Variants in NRG3 observed in about 807,000 individuals in gnomAD.
The protein encoded by NRG3 is neuregulin 3.
A neutral mutation model predicts 66.9 loss-of-function variants in NRG3; 31 were observed. The observed-to-expected ratio is 0.46, with a 90% CI of 0.35 to 0.63. NRG3 has a LOEUF of 0.63. Among genes scored for constraint, NRG3 ranks in the 20% least tolerant of loss-of-function variants. The pLI, the probability that NRG3 is intolerant of heterozygous loss-of-function variation, is 0.00. For missense variants in NRG3, 910 were observed against 878.9 expected, an observed-to-expected ratio of 1.04 and a Z score of -0.45; for synonymous variants, 393 against 359.4, an observed-to-expected ratio of 1.09 and a Z score of -1.06.
At position 81,889,621 on chromosome 10, in the gene NRG3, G is replaced by A. The variant is rs950432091; in HGVS notation, c.823+13458G>A. 4 of 152,140 alleles carry A rather than the reference G, an allele frequency of 2.6e-5. No individual in the cohort carries two copies. In the South Asian group the frequency reaches 8.3e-4, roughly 31 times the overall value. 9.4% of individuals were successfully genotyped at this position (152,140 alleles called of 1,614,324 possible). A position where few individuals can be genotyped will look rare whatever the true frequency, so the allele number is the denominator to read the frequency against. ...CTGTGTAAGAGCAAATGTTAAATTAGTATTAATAGCCAATGGCATCTCTCT... is the reference window on the plus strand; with the variant it reads ...CTGTGTAAGAGCAAATGTTAAATTAATATTAATAGCCAATGGCATCTCTCT... On this transcript the variant is annotated intron_variant, in intron 1 of 8. Transcript: ENST00000372141.
intron 2 of NRG3, among the ~76,000 whole-genome samples, chr10:82,738,180 T>C (rs1320071043): frequency 6.6e-6 from 1 of 152,122 alleles, no homozygotes; most frequent in Non-Finnish European, 1.5e-5. Flanking sequence ...TATTTCAAAA[T>C]ATCTTTTATA....
At chr10:82,291,703 C>T (rs1041689154) in intron 1 of NRG3, among the ~76,000 whole-genome samples, 1 of 152,132 alleles carries the variant, frequency 6.6e-6, no homozygotes, top group Non-Finnish European at 1.5e-5. Context: ...CAATTCAATG[C>T]ATGCAGGATA....
chr10:82,645,151 C>T (rs1384413206), intron 2 of NRG3, among the ~76,000 whole-genome samples: 2 of 152,044 alleles, frequency 1.3e-5, no homozygotes, highest in East Asian at 3.9e-4. Flanking sequence ...TGATAGAAAA[C>T]TGTTAAGCTG....
intron 1 of NRG3, among the ~76,000 whole-genome samples, chr10:82,347,317 G>A (rs370779965): frequency 1.5e-4 from 23 of 151,218 alleles, no homozygotes; most frequent in Admixed American, 1.3e-3. Flanking sequence ...CCTTCATTTC[G>A]TTATGTACCC....
Position 82,613,419 on chromosome 10 carries a change from T to A in NRG3, c.954-125158T>A, listed in dbSNP as rs188316614. ...TCACTGTTTTATTCTCTTATTATTT[T>A]AAAAAAAATAATTAATTAATTAATT... On this transcript the variant is annotated intron_variant, in intron 2 of 8. Transcript: ENST00000372141. Among the ~76,000 whole-genome samples, 589 of 151,226 alleles carry A rather than the reference T, an allele frequency of 3.9e-3. 4 individuals carry two copies. Among genetic ancestry groups the A allele is most frequent in the Middle Eastern group, 0.01 (3 of 288 alleles).
At chr10:82,132,150 A>G (rs1445237770) in intron 1 of NRG3, among the ~76,000 whole-genome samples, 1 of 152,022 alleles carries the variant, frequency 6.6e-6, no homozygotes, top group African/African-American at 2.4e-5. Flanking sequence ...TTCCCTGTTT[A>G]GTATGATACT....
At chr10:82,041,255 G>A (rs1321650370) in intron 1 of NRG3, among the ~76,000 whole-genome samples, 2 of 151,994 alleles carry the variant, frequency 1.3e-5, no homozygotes, top group African/African-American at 4.8e-5. Flanking sequence ...TGCCACAAGA[G>A]GGATACTGAG....
intron 2 of NRG3, among the ~76,000 whole-genome samples, chr10:82,419,021 G>A (rs2088854059): frequency 6.6e-6 from 1 of 152,130 alleles, no homozygotes. Context: ...TTGTAACTGG[G>A]ATGGATATGA....
chr10:82,389,366 C>T (rs1005857981), intron 2 of NRG3, among the ~76,000 whole-genome samples: 2 of 152,144 alleles, frequency 1.3e-5, no homozygotes, highest in Admixed American at 1.3e-4. Context: ...CCTTTCTCAG[C>T]CTTTCACTAC....
chr10:82,377,556 G>C (rs1317704868), intron 2 of NRG3, among the ~76,000 whole-genome samples: 1 of 152,090 alleles, frequency 6.6e-6, no homozygotes, highest in South Asian at 2.1e-4. Flanking sequence ...ACTCTAAACC[G>C]TGTCCTTCCA....
intron 2 of NRG3, among the ~76,000 whole-genome samples, chr10:82,450,820 G>A (rs2090987954): frequency 6.6e-6 from 1 of 152,134 alleles, no homozygotes; most frequent in Non-Finnish European, 1.5e-5. Context: ...GTAATGGACA[G>A]CCTAATAAAA....
At chr10:82,491,596 G>GTATGAA (rs1843152753) in intron 2 of NRG3, among the ~76,000 whole-genome samples, 1 of 151,682 alleles carries the variant, frequency 6.6e-6, no homozygotes, top group Admixed American at 6.6e-5. Flanking sequence ...AGTATCTGAG[G>GTATGAA]GTACATTTTT....
intron 1 of NRG3, among the ~76,000 whole-genome samples, chr10:82,269,866 G>T (rs909048132): frequency 6.6e-6 from 1 of 151,990 alleles, no homozygotes; most frequent in Non-Finnish European, 1.5e-5. Context: ...TGAAAGACAC[G>T]GATTTCCTGC....
At chr10:81,984,443 G>A (rs1406345222) in intron 1 of NRG3, among the ~76,000 whole-genome samples, 1 of 152,128 alleles carries the variant, frequency 6.6e-6, no homozygotes, top group Non-Finnish European at 1.5e-5. Flanking sequence ...CATTCCACTT[G>A]AAATCTTATG....
At chr10:82,617,714 C>A (rs144781917) in intron 2 of NRG3, among the ~76,000 whole-genome samples, 120 of 152,236 alleles carry the variant, frequency 7.9e-4, no homozygotes, top group African/African-American at 2.8e-3. Flanking sequence ...GGGACGCAGT[C>A]TCTTAAGTGT....
chr10:82,229,056 A>T (rs1485024720), intron 1 of NRG3: 1 of 152,208 alleles, frequency 6.6e-6, no homozygotes, highest in African/African-American at 2.4e-5. Flanking sequence ...ATACACTTTA[A>T]TGCATTTCAT....
chr10:82,763,370 A>G (rs971033253), intron 3 of NRG3, among the ~76,000 whole-genome samples: 5 of 152,200 alleles, frequency 3.3e-5, no homozygotes, highest in African/African-American at 1.2e-4. Flanking sequence ...AGTAAAATAT[A>G]TTTGAAAAGT....
At chr10:82,948,494 T>C (rs73313214) in intron 4 of NRG3, among the ~76,000 whole-genome samples, 15,479 of 152,116 alleles carry the variant, frequency 0.1, 1,109 homozygotes, top group African/African-American at 0.19. Flanking sequence ...GAGATTTTAA[T>C]AGCATTGCAA....
chr10:82,744,851 A>C (rs1426185394), intron 3 of NRG3, among the ~76,000 whole-genome samples: 1 of 152,158 alleles, frequency 6.6e-6, no homozygotes, highest in East Asian at 1.9e-4. Context: ...CATTCAGAGC[A>C]TGTCATGCTT....
Sources: gnomAD v4.1 joint callset for allele counts (sites outside exome capture counted in the v4.1 genomes callset) on GRCh38, gnomAD v4.1.1 for gene constraint, MANE v1.5 for transcripts, NCBI Gene and HGNC (gene_info 2026-07-23, HGNC 2026-07-21) for gene names.